Variants in CDYL observed in about 807,000 individuals in gnomAD.
The protein encoded by CDYL is chromodomain Y like, also known as chromodomain Y-like protein.
In CDYL, 8 loss-of-function variants were observed where a neutral mutation model predicts 47.3. The observed-to-expected ratio is 0.17, with a 90% CI of 0.10 to 0.31. CDYL has a LOEUF of 0.31. Ranked by LOEUF, CDYL falls within the 10% of genes least tolerant of loss-of-function variation. CDYL has a pLI of 1.00. For synonymous variants in CDYL, 266 were observed against 265.0 expected (o/e 1.00, Z -0.04); for missense variants, 471 against 701.4 (o/e 0.67, Z 3.71).
chr6:4,872,834 G>A (rs1404038639), intron 1 of CDYL, among the ~76,000 whole-genome samples: 1 of 152,126 alleles, frequency 6.6e-6, no homozygotes. Flanking sequence ...GTTCATCTTG[G>A]TCTCTATCCA....
intron 2 of CDYL, among the ~76,000 whole-genome samples, chr6:4,895,110 T>G (rs1323445562): frequency 1.3e-5 from 2 of 151,338 alleles, no homozygotes; most frequent in African/African-American, 4.9e-5. Flanking sequence ...TGTATATGTA[T>G]CTATATGCAT....
In CDYL at chr6:4,817,477, A is replaced by G. The variant is rs1759708484; in HGVS notation, c.24+40670A>G. Among the ~76,000 whole-genome samples the G allele has an allele frequency of 2.6e-5, 4 of 152,290 alleles. No homozygotes were observed. The South Asian group carries it at 6.2e-4, about 24-fold the overall frequency. ...GAACATTCCCTTACGAGCCACCACT[A>G]GACAGTACATTCAAAACTTAGCTCA... On this transcript the variant is annotated intron_variant, in intron 1 of 6. Transcript: ENST00000397588.
At chr6:4,806,860 C>G (rs1196502683) in intron 1 of CDYL, among the ~76,000 whole-genome samples, 1 of 152,144 alleles carries the variant, frequency 6.6e-6, no homozygotes, top group African/African-American at 2.4e-5. Context: ...CTTGGGCAGC[C>G]GTAATAAAAT....
chr6:4,846,773 T>C (rs1561667044), intron 1 of CDYL, among the ~76,000 whole-genome samples: 1 of 152,154 alleles, frequency 6.6e-6, no homozygotes, highest in Non-Finnish European at 1.5e-5. Context: ...AATATTTAAT[T>C]AAAAATGAAA....
rs138355482 is a variant in CDYL at position 4,816,200 on chromosome 6, C to G, written c.24+39393C>G. Among the ~76,000 whole-genome samples the G allele has an allele frequency of 1.1e-4, 16 of 151,810 alleles. No homozygotes were observed. The East Asian group carries it at 2.9e-3, about 28-fold the overall frequency. ...TAGCAGTGGCAGAGCTGTCGTTACCCCAGCTGTAGAGGACGCACTGAGCAT... is the reference window on the plus strand; with the variant it reads ...TAGCAGTGGCAGAGCTGTCGTTACCGCAGCTGTAGAGGACGCACTGAGCAT... On this transcript the variant is annotated intron_variant, in intron 1 of 6. Coordinates refer to ENST00000397588, the MANE Select transcript of CDYL (RefSeq NM_004824.4).
chr6:4,786,627 A>C (rs1025235437), intron 1 of CDYL, among the ~76,000 whole-genome samples: 4 of 152,218 alleles, frequency 2.6e-5, no homozygotes, highest in Non-Finnish European at 5.9e-5. Flanking sequence ...GTGCACTAGT[A>C]GTTTTTATCT....
intron 2 of CDYL, among the ~76,000 whole-genome samples, chr6:4,934,529 G>A (rs1394008338): frequency 2.6e-5 from 4 of 152,168 alleles, no homozygotes; most frequent in Non-Finnish European, 5.9e-5. Flanking sequence ...CGCCCTCAGA[G>A]AACTTCTGCC....
chr6:4,712,700 C>A (rs988838461), intron 1 of CDYL, among the ~76,000 whole-genome samples: 1 of 152,142 alleles, frequency 6.6e-6, no homozygotes, highest in Admixed American at 6.5e-5. Context: ...ACTGTTAGAA[C>A]GAGATAATTT....
At chr6:4,725,990 C>T (rs1757505825) in intron 2 of CDYL, among the ~76,000 whole-genome samples, 1 of 151,876 alleles carries the variant, frequency 6.6e-6, no homozygotes, top group African/African-American at 2.4e-5. Flanking sequence ...TCTACAACTC[C>T]TGACTTGCTA....
intron 2 of CDYL, among the ~76,000 whole-genome samples, chr6:4,729,810 C>G (rs545592515): frequency 6.6e-6 from 1 of 152,136 alleles, no homozygotes; most frequent in African/African-American, 2.4e-5. Flanking sequence ...CCCAGCTACT[C>G]AGGAGGCTGA....
At position 4,776,684 on chromosome 6, in the gene CDYL, G is replaced by A; in HGVS notation, c.-100G>A. On this transcript the variant is annotated 5_prime_UTR_variant, in exon 1 of 7. Coordinates refer to ENST00000397588, the MANE Select transcript of CDYL (RefSeq NM_004824.4). Reference sequence around the variant, plus strand: ...GCCCGGCCGGCCGCGGGAGCAGGAAGCGCAGGCCACGCAGGACCCAACTGA... The same window carrying A: ...GCCCGGCCGGCCGCGGGAGCAGGAAACGCAGGCCACGCAGGACCCAACTGA... 2 of 1,111,048 alleles carry A rather than the reference G, an allele frequency of 1.8e-6. No individual in the cohort carries two copies. Among genetic ancestry groups the A allele is most frequent in the Non-Finnish European group, 2.3e-6 (2 of 852,708 alleles). The allele number at this position is 1,111,048 out of a possible 1,614,324, so 68.8% of individuals were successfully genotyped here. A position where few individuals can be genotyped will look rare whatever the true frequency, so the allele number is the denominator to read the frequency against.
chr6:4,874,681 TACAGA>T (rs1761570840), intron 1 of CDYL, among the ~76,000 whole-genome samples: 1 of 152,176 alleles, frequency 6.6e-6, no homozygotes, highest in Non-Finnish European at 1.5e-5. Context: ...TCCCTAGAGG[TACAGA>T]ACATTTTCAC....
At chr6:4,931,926 GA>G (rs1211882043) in intron 2 of CDYL, among the ~76,000 whole-genome samples, 1 of 152,212 alleles carries the variant, frequency 6.6e-6, no homozygotes, top group Non-Finnish European at 1.5e-5. Context: ...TCGCCTCAAA[GA>G]AAATGCTGAA....
rs563707382 is a variant in CDYL at position 4,911,399 on chromosome 6, C to T, written c.691+19020C>T. 2.9e-4 allele frequency among the ~76,000 whole-genome samples: 44 copies of T among 152,292 alleles called. No individual in the cohort carries two copies. The South Asian group carries it at 7.7e-3, about 27-fold the overall frequency. On this transcript the variant is annotated intron_variant, in intron 2 of 6. Transcript: ENST00000397588. ...ACATACATGCGCACAGTAGTTGCTC[C>T]GTAGAAGTATAACTGTGCACGGTAA...
At chr6:4,788,591 C>T (rs1455205016) in intron 1 of CDYL, among the ~76,000 whole-genome samples, 1 of 151,718 alleles carries the variant, frequency 6.6e-6, no homozygotes, top group Admixed American at 6.6e-5. Flanking sequence ...AAGGACGTCC[C>T]TAGGCCCTGA....
chr6:4,909,185 T>C (rs534794151), intron 2 of CDYL, among the ~76,000 whole-genome samples: 2 of 152,326 alleles, frequency 1.3e-5, no homozygotes, highest in South Asian at 4.1e-4. Context: ...AGCAAGTGTG[T>C]TGGAGAGAAG....
intron 1 of CDYL, among the ~76,000 whole-genome samples, chr6:4,888,911 T>TA (rs1283867492): frequency 6.6e-6 from 1 of 152,230 alleles, no homozygotes; most frequent in Non-Finnish European, 1.5e-5. Flanking sequence ...ACTTCTTTGT[T>TA]ATTTTCAGTA....
chr6:4,740,715 G>A (rs1199853279), intron 3 of CDYL, among the ~76,000 whole-genome samples: 1 of 151,980 alleles, frequency 6.6e-6, no homozygotes, highest in Non-Finnish European at 1.5e-5. Context: ...CCAAAACCAT[G>A]GCCTCTAGTT....
intron 3 of CDYL, among the ~76,000 whole-genome samples, chr6:4,745,995 C>T (rs1403243315): frequency 6.6e-6 from 1 of 152,184 alleles, no homozygotes; most frequent in African/African-American, 2.4e-5. Context: ...TGGCATGCTA[C>T]ACTCACCAGC....
Sources: gnomAD v4.1 joint callset for allele counts (sites outside exome capture counted in the v4.1 genomes callset) on GRCh38, gnomAD v4.1.1 for gene constraint, MANE v1.5 for transcripts, NCBI Gene and HGNC (gene_info 2026-07-23, HGNC 2026-07-21) for gene names.